FARP2: variants seen among roughly 807,000 people sequenced by gnomAD.
FARP2 encodes the protein FERM, ARH/RhoGEF and pleckstrin domain protein 2, also known as FERM, ARHGEF and pleckstrin domain-containing protein 2.
A neutral mutation model predicts 130.5 loss-of-function variants in FARP2; 111 were observed. That is an observed-to-expected ratio of 0.85 (90% confidence interval 0.73 to 1.00). The LOEUF is 1.00. Among genes scored for constraint, FARP2 ranks in the 50% least tolerant of loss-of-function variants. The probability of loss-of-function intolerance (pLI) is 0.00; values close to 1 mark genes in which losing one functional copy is unlikely to be tolerated. For synonymous variants in FARP2, 504 were observed against 516.9 expected (o/e 0.98, Z 0.34); for missense variants, 1,385 against 1,346.3 (o/e 1.03, Z -0.45).
At chr2:241,474,915 C>T (rs768082858) in intron 18 of FARP2, among the ~76,000 whole-genome samples, 11 of 152,256 alleles carry the variant, frequency 7.2e-5, no homozygotes, top group Non-Finnish European at 1.0e-4. Context: ...CAGGCATCAT[C>T]AGAGTTGGGA....
intron 21 of FARP2, among the ~76,000 whole-genome samples, chr2:241,485,587 C>T: frequency 6.7e-6 from 1 of 148,750 alleles, no homozygotes; most frequent in Middle Eastern, 3.4e-3. Context: ...TCCTGGAGTC[C>T]TCCCTTGCTC....
At chr2:241,424,984 G>A (rs1408729951) in intron 8 of FARP2, among the ~76,000 whole-genome samples, 2 of 152,300 alleles carry the variant, frequency 1.3e-5, no homozygotes, top group African/African-American at 2.4e-5. Flanking sequence ...AATGGGGGCA[G>A]ATCACTTGAT....
intron 2 of FARP2, 23 bp downstream of exon 2, chr2:241,373,313 G>A (rs1158788493): frequency 1.5e-6 from 2 of 1,359,570 alleles, no homozygotes; most frequent in Middle Eastern, 2.0e-4. Flanking sequence ...ATTTTTGGAG[G>A]CATATTTCCT....
chr2:241,412,461 A>C (rs1243947742), intron 6 of FARP2, among the ~76,000 whole-genome samples: 1 of 152,226 alleles, frequency 6.6e-6, no homozygotes. Context: ...AATGGCTCAA[A>C]GGAGAAAAAA....
At chr2:241,386,798 A>G (rs1294964851) in intron 2 of FARP2, 1 of 152,256 alleles carries the variant, frequency 6.6e-6, no homozygotes, top group Non-Finnish European at 1.5e-5. Flanking sequence ...CTTATCTGCC[A>G]TCCTGTAAGT....
intron 2 of FARP2, among the ~76,000 whole-genome samples, chr2:241,378,675 G>T (rs1408530405): frequency 6.6e-6 from 1 of 152,126 alleles, no homozygotes; most frequent in Non-Finnish European, 1.5e-5. Flanking sequence ...CTCCCAAAGT[G>T]CTGGGATTAT....
intron 14 of FARP2, among the ~76,000 whole-genome samples, chr2:241,461,135 T>C (rs1202090797): frequency 1.3e-5 from 2 of 152,090 alleles, no homozygotes; most frequent in Non-Finnish European, 2.9e-5. Context: ...CTGATACTCC[T>C]CCCAAACCTC....
In FARP2 at chr2:241,418,275, G is replaced by A. The variant is rs2062727135; in HGVS notation, c.771+166G>A. On this transcript the variant is annotated intron_variant, in intron 8 of 26. Transcript: ENST00000264042. ...ATCCAATCCAACCTCTTACTCAGTGGGAAAATTAATCTTTTGTCCTTCTCT... is the reference window on the plus strand; with the variant it reads ...ATCCAATCCAACCTCTTACTCAGTGAGAAAATTAATCTTTTGTCCTTCTCT... Among the ~76,000 whole-genome samples, 1 of 152,102 alleles carries A rather than the reference G, an allele frequency of 6.6e-6. No homozygotes were observed. The highest frequency in any genetic ancestry group is 1.5e-5 in the Non-Finnish European group (1 of 68,016).
chr2:241,416,340 G>T (rs1158426727), intron 7 of FARP2, among the ~76,000 whole-genome samples: 1 of 152,112 alleles, frequency 6.6e-6, no homozygotes, highest in Non-Finnish European at 1.5e-5. Context: ...TGCCGAATAA[G>T]CCCGGAAGCA....
intron 9 of FARP2, among the ~76,000 whole-genome samples, chr2:241,433,717 A>G (rs186714750): frequency 2.6e-5 from 4 of 152,180 alleles, no homozygotes; most frequent in African/African-American, 7.2e-5. Context: ...AAGACTTTGT[A>G]TACAACTTTT....
At chr2:241,463,564 G>C (rs1227579824) in intron 16 of FARP2, 96 bp downstream of exon 16, 1 of 1,438,752 alleles carries the variant, frequency 7.0e-7, no homozygotes, top group Non-Finnish European at 9.4e-7. Context: ...ATTCAGAAGA[G>C]CCATTTTTTC....
At chr2:241,492,074 A>C (rs1020609130) in intron 24 of FARP2, among the ~76,000 whole-genome samples, 1 of 152,142 alleles carries the variant, frequency 6.6e-6, no homozygotes, top group Non-Finnish European at 1.5e-5. Context: ...TGTCAGCTCT[A>C]TCTCACTGCA....
chr2:241,474,155 A>T (rs1027443034), intron 18 of FARP2, among the ~76,000 whole-genome samples: 8 of 151,010 alleles, frequency 5.3e-5, no homozygotes, highest in Non-Finnish European at 8.9e-5. Flanking sequence ...AAATACAAAA[A>T]ATTAGCCGGG....
intron 2 of FARP2, among the ~76,000 whole-genome samples, chr2:241,376,865 T>A (rs574401553): frequency 6.6e-6 from 1 of 152,312 alleles, no homozygotes; most frequent in East Asian, 1.9e-4. Flanking sequence ...CTGCTTGCTG[T>A]CTCCCTGCTC....
At chr2:241,471,371 A>T (rs2064300754) in intron 18 of FARP2, 1 of 138,158 alleles carries the variant, frequency 7.2e-6, no homozygotes. Flanking sequence ...TGTTCTGTGG[A>T]AACCCTGTTC....
chr2:241,462,632 C>T lies in FARP2; in HGVS notation c.1677+20C>T. ...ACCGTGGTACGAAAGTCCTTGATTA[C>T]TTTGATTTTTTTTTAAAATAAATCT... is the stretch of plus-strand genomic sequence containing the variant. On this transcript the variant is annotated intron_variant, in intron 15 of 26. Coordinates refer to ENST00000264042, the MANE Select transcript of FARP2 (RefSeq NM_014808.4). The T allele has an allele frequency of 6.8e-7, 1 of 1,477,340 alleles. No homozygotes were observed. The highest frequency in any genetic ancestry group is 9.5e-7 in the Non-Finnish European group (1 of 1,057,638). 91.5% of individuals were successfully genotyped at this position (1,477,340 alleles called of 1,614,324 possible). A position where few individuals can be genotyped will look rare whatever the true frequency, so the allele number is the denominator to read the frequency against.
At chr2:241,487,644 G>GAGGCGGAGGT (rs1396808728) in intron 21 of FARP2, among the ~76,000 whole-genome samples, 231 of 134,466 alleles carry the variant, frequency 1.7e-3, no homozygotes, top group East Asian at 3.4e-3. Context: ...TCCAGCCTGG[G>GAGGCGGAGGT]TGACAGAACA....
At chr2:241,363,278 C>T (rs2061230584) in intron 1 of FARP2, among the ~76,000 whole-genome samples, 2 of 152,236 alleles carry the variant, frequency 1.3e-5, no homozygotes, top group Non-Finnish European at 2.9e-5. Context: ...CTCCTCCACT[C>T]AGCCCTGCAG....
rs185667763 is a variant in FARP2, at chr2:241,415,974, A to G, written c.624-1988A>G. Among the ~76,000 whole-genome samples the G allele has an allele frequency of 4.8e-5, 7 of 146,288 alleles. No homozygotes were observed. In the East Asian group the frequency reaches 1.2e-3, roughly 26 times the overall value. On this transcript the variant is annotated intron_variant, in intron 7 of 26. Transcript: ENST00000264042. The stretch of plus-strand genomic sequence containing the variant: ...TGCCTGTGGAAGAACAAAGAACTGG[A>G]CCCTCAGGGTAGTTCTGTGTGTGTG...
Sources: gnomAD v4.1 joint callset for allele counts (sites outside exome capture counted in the v4.1 genomes callset) on GRCh38, gnomAD v4.1.1 for gene constraint, MANE v1.5 for transcripts, NCBI Gene and HGNC (gene_info 2026-07-23, HGNC 2026-07-21) for gene names.